Variants in CDH12 observed in about 807,000 individuals in gnomAD.
CDH12 encodes cadherin 12.
CDH12 carries 41 observed loss-of-function variants against 74.1 expected under a neutral mutation model. The ratio of observed to expected loss-of-function variants is 0.55; its 90% CI spans 0.43 to 0.72. CDH12 has a LOEUF of 0.72. CDH12 is among the 30% of genes least tolerant of loss of function. The pLI is 0.00. For missense variants in CDH12, 945 were observed against 977.2 expected (o/e 0.97, Z 0.44); for synonymous variants, 399 against 355.0 (o/e 1.12, Z -1.39).
At chr5:21,954,995 T>A (rs1756031185) in intron 6 of CDH12, among the ~76,000 whole-genome samples, 1 of 152,086 alleles carries the variant, frequency 6.6e-6, no homozygotes, top group Non-Finnish European at 1.5e-5. Context: ...AAATTCATGT[T>A]ATTGAGTAGA....
At chr5:22,768,620 T>C (rs1746643259) in intron 1 of CDH12, among the ~76,000 whole-genome samples, 1 of 152,072 alleles carries the variant, frequency 6.6e-6, no homozygotes, top group Non-Finnish European at 1.5e-5. Context: ...AAGATATATA[T>C]TCAGTTCTTT....
intron 14 of CDH12, 53 bp from the exon 15 acceptor site, chr5:21,752,289 C>A (rs1364457041): frequency 2.1e-5 from 31 of 1,494,046 alleles, no homozygotes; most frequent in Non-Finnish European, 2.8e-5. Flanking sequence ...TAGGTCATTT[C>A]ATCTCTCCAT....
intron 4 of CDH12, among the ~76,000 whole-genome samples, chr5:22,187,676 A>T (rs1750040424): frequency 6.6e-6 from 1 of 150,548 alleles, no homozygotes; most frequent in Non-Finnish European, 1.5e-5. Context: ...AAAGAAAGAA[A>T]GAAAAAACTA....
At chr5:22,514,290 GA>G (rs1165175407) in intron 1 of CDH12, among the ~76,000 whole-genome samples, 1 of 151,768 alleles carries the variant, frequency 6.6e-6, no homozygotes, top group African/African-American at 2.4e-5. Context: ...ATTATTAATT[GA>G]AAAAAATACA....
At chr5:22,562,853 TTA>T (rs1739120701) in intron 1 of CDH12, among the ~76,000 whole-genome samples, 1 of 107,100 alleles carries the variant, frequency 9.3e-6, no homozygotes, top group Non-Finnish European at 2.0e-5. Context: ...AAATGATCTC[TTA>T]TAGTCTATAT....
intron 10 of CDH12, among the ~76,000 whole-genome samples, chr5:21,793,431 G>C (rs1024240583): frequency 1.3e-5 from 2 of 151,492 alleles, no homozygotes; most frequent in Non-Finnish European, 3.0e-5. Flanking sequence ...TATTGATAAT[G>C]TCCTGGTCAT....
At chr5:21,925,301 C>G (rs1476326289) in intron 6 of CDH12, among the ~76,000 whole-genome samples, 6 of 152,198 alleles carry the variant, frequency 3.9e-5, no homozygotes, top group African/African-American at 1.4e-4. Context: ...AGTCCTCCCT[C>G]AAACACTGCA....
chr5:22,203,857 A>G (rs1048464978), intron 4 of CDH12, among the ~76,000 whole-genome samples: 7 of 152,232 alleles, frequency 4.6e-5, no homozygotes, highest in South Asian at 2.1e-4. Flanking sequence ...GATGTTGAGC[A>G]TTTTTTCATG....
intron 5 of CDH12, among the ~76,000 whole-genome samples, chr5:22,050,653 C>A (rs1460517668): frequency 6.6e-6 from 1 of 152,102 alleles, no homozygotes; most frequent in African/African-American, 2.4e-5. Context: ...CTGCACACAC[C>A]TGGAGTTAAT....
intron 1 of CDH12, among the ~76,000 whole-genome samples, chr5:22,705,891 A>G (rs189536642): frequency 1.4e-3 from 211 of 152,006 alleles, no homozygotes; most frequent in African/African-American, 4.9e-3. Context: ...TACAAATGCT[A>G]TATATATATA....
At chr5:22,829,991 G>T (rs1161501904) in intron 1 of CDH12, among the ~76,000 whole-genome samples, 1 of 152,080 alleles carries the variant, frequency 6.6e-6, no homozygotes, top group Non-Finnish European at 1.5e-5. Context: ...ATATGTACCA[G>T]ATATTAGGTT....
At chr5:22,026,140 T>C (rs1454434680) in intron 5 of CDH12, among the ~76,000 whole-genome samples, 1 of 152,136 alleles carries the variant, frequency 6.6e-6, no homozygotes, top group South Asian at 2.1e-4. Flanking sequence ...CAGAAGGTTA[T>C]CAATTTACTT....
At chr5:22,379,360 T>G (rs1741664645) in intron 3 of CDH12, among the ~76,000 whole-genome samples, 1 of 152,144 alleles carries the variant, frequency 6.6e-6, no homozygotes, top group Admixed American at 6.6e-5. Flanking sequence ...TATTAATACC[T>G]AGAAAACAAA....
intron 11 of CDH12, chr5:21,779,454 G>A (rs1339338571): frequency 1.3e-5 from 2 of 152,120 alleles, no homozygotes; most frequent in Non-Finnish European, 2.9e-5. Flanking sequence ...TTTGAATGAA[G>A]TAAAGTTTGG....
At chr5:21,816,565 C>T (rs764412166) in intron 9 of CDH12, among the ~76,000 whole-genome samples, 3 of 127,890 alleles carry the variant, frequency 2.3e-5, no homozygotes, top group Admixed American at 9.8e-5. Flanking sequence ...GCAGAGTTTG[C>T]AGTGAGCTGA....
chr5:22,713,587 TAA>T (rs1743408016), intron 1 of CDH12, among the ~76,000 whole-genome samples: 1 of 79,660 alleles, frequency 1.3e-5, no homozygotes, highest in African/African-American at 4.5e-5. Context: ...ACACACTGCG[TAA>T]GTGTTTTCAA....
intron 3 of CDH12, among the ~76,000 whole-genome samples, chr5:22,281,560 G>A (rs1554027442): frequency 6.6e-6 from 1 of 152,132 alleles, no homozygotes; most frequent in Non-Finnish European, 1.5e-5. Flanking sequence ...AAAATCACAA[G>A]CATTTCTATA....
chr5:22,269,466 C>A (rs1218264440), intron 3 of CDH12, among the ~76,000 whole-genome samples: 2 of 152,116 alleles, frequency 1.3e-5, no homozygotes, highest in African/African-American at 4.8e-5. Context: ...AATAGCATTT[C>A]TTTCTCCATA....
chr5:21,756,265 A>G (rs1288943261), intron 13 of CDH12, among the ~76,000 whole-genome samples: 1 of 152,124 alleles, frequency 6.6e-6, no homozygotes, highest in African/African-American at 2.4e-5. Flanking sequence ...TGACTATTTT[A>G]AATTAAGGAT....
Sources: allele counts gnomAD v4.1 joint callset (sites outside exome capture counted in the v4.1 genomes callset), GRCh38; gene constraint gnomAD v4.1.1; transcripts MANE v1.5; gene names NCBI Gene and HGNC (gene_info 2026-07-23, HGNC 2026-07-21).